The following KCNIP1 variants were observed in gnomAD, a reference collection of about 807,000 sequenced individuals.
The protein encoded by KCNIP1 is A-type potassium channel modulatory protein KCNIP1.
A neutral mutation model predicts 33.0 loss-of-function variants in KCNIP1; 18 were observed. The ratio of observed to expected loss-of-function variants is 0.55; its 90% CI spans 0.38 to 0.81. The LOEUF (loss-of-function observed/expected upper bound fraction) is 0.81, where lower values mean the gene tolerates loss of function less well. Among genes scored for constraint, KCNIP1 ranks in the 30% least tolerant of loss-of-function variants. The probability of loss-of-function intolerance (pLI) is 0.00; values close to 1 mark genes in which losing one functional copy is unlikely to be tolerated. For synonymous variants in KCNIP1, 93 were observed against 98.3 expected, an observed-to-expected ratio of 0.95 and a Z score of 0.32; for missense variants, 238 against 271.6, an observed-to-expected ratio of 0.88 and a Z score of 0.87.
intron 1 of KCNIP1, among the ~76,000 whole-genome samples, chr5:170,657,790 C>G (rs926652446): frequency 3.3e-5 from 5 of 152,228 alleles, no homozygotes; most frequent in African/African-American, 1.2e-4. Context: ...GGCTGCACAG[C>G]ACTGGATGTC....
intron 1 of KCNIP1, among the ~76,000 whole-genome samples, chr5:170,492,794 C>T (rs932666010): frequency 1.3e-5 from 2 of 151,106 alleles, no homozygotes; most frequent in Admixed American, 1.3e-4. Context: ...GAGACGGAGT[C>T]TCACTCTGTC....
chr5:170,429,257 G>T (rs765837340), intron 1 of KCNIP1, among the ~76,000 whole-genome samples: 1 of 152,044 alleles, frequency 6.6e-6, no homozygotes, highest in Non-Finnish European at 1.5e-5. Flanking sequence ...TGGGCATGCC[G>T]TTGTCTCTGC....
chr5:170,474,237 TATC>T (rs2113144338), intron 1 of KCNIP1, among the ~76,000 whole-genome samples: 1 of 152,248 alleles, frequency 6.6e-6, no homozygotes, highest in Admixed American at 6.5e-5. Context: ...AACCTTTACT[TATC>T]ATACATTTCC....
chr5:170,447,822 G>T (rs559048930), intron 1 of KCNIP1, among the ~76,000 whole-genome samples: 1 of 151,932 alleles, frequency 6.6e-6, no homozygotes, highest in South Asian at 2.1e-4. Flanking sequence ...GACCTTGACT[G>T]AGACAAGTTG....
At chr5:170,406,050 C>T (rs931557598) in intron 1 of KCNIP1, among the ~76,000 whole-genome samples, 10 of 152,258 alleles carry the variant, frequency 6.6e-5, no homozygotes, top group Non-Finnish European at 1.5e-4. Flanking sequence ...TCTGTCTCCT[C>T]TTTTACTTCC....
intron 1 of KCNIP1, among the ~76,000 whole-genome samples, chr5:170,520,819 C>T (rs1755337862): frequency 6.6e-6 from 1 of 152,138 alleles, no homozygotes; most frequent in Admixed American, 6.5e-5. Context: ...GGGAAGGCTC[C>T]ACATAATGGT....
At chr5:170,523,422 T>C (rs1406818734) in intron 1 of KCNIP1, among the ~76,000 whole-genome samples, 2 of 152,198 alleles carry the variant, frequency 1.3e-5, no homozygotes, top group Non-Finnish European at 2.9e-5. Context: ...CCTGGGCTGG[T>C]GCCAGAGTAG....
At chr5:170,386,891 C>G (rs945568417) in intron 1 of KCNIP1, among the ~76,000 whole-genome samples, 36 of 152,002 alleles carry the variant, frequency 2.4e-4, no homozygotes, top group African/African-American at 8.5e-4. Context: ...TGGACATTGA[C>G]TCCACCCCAA....
intron 1 of KCNIP1, among the ~76,000 whole-genome samples, chr5:170,420,088 A>G (rs1755443025): frequency 1.3e-5 from 2 of 152,240 alleles, no homozygotes; most frequent in African/African-American, 4.8e-5. Flanking sequence ...CCACATTGAA[A>G]AGAAAAAGGA....
rs560287311 is a variant in KCNIP1, at chr5:170,469,262, G to T, written c.88+115298G>T. ...CATGTAAAATTAGCTGAGCATGGTG[G>T]TGTACACCTGTAGTCCCAGCTATTT... On this transcript the variant is annotated intron_variant, in intron 1 of 7. Coordinates refer to the KCNIP1 transcript ENST00000377360. Among the ~76,000 whole-genome samples the T allele has an allele frequency of 2.8e-4, 43 of 152,146 alleles. No homozygotes were observed. In the South Asian group the frequency reaches 8.1e-3, roughly 29 times the overall value.
chr5:170,664,354 T>C (rs1014436650), intron 1 of KCNIP1, among the ~76,000 whole-genome samples: 1 of 152,098 alleles, frequency 6.6e-6, no homozygotes, highest in Admixed American at 6.5e-5. Flanking sequence ...CCTCTTCAAT[T>C]CTCACTGAGC....
intron 1 of KCNIP1, among the ~76,000 whole-genome samples, chr5:170,513,920 G>A (rs755904913): frequency 6.6e-6 from 1 of 152,200 alleles, no homozygotes; most frequent in Non-Finnish European, 1.5e-5. Flanking sequence ...TTTTATTTTT[G>A]TAGGAGTCCT....
chr5:170,393,440 G>A (rs536658161), intron 1 of KCNIP1, among the ~76,000 whole-genome samples: 17 of 152,172 alleles, frequency 1.1e-4, no homozygotes, highest in Non-Finnish European at 2.2e-4. Context: ...GAAGCTGTGC[G>A]TTCACAGACA....
At chr5:170,710,679 GA>G (rs1434845329) in intron 1 of KCNIP1, among the ~76,000 whole-genome samples, 1 of 152,194 alleles carries the variant, frequency 6.6e-6, no homozygotes, top group African/African-American at 2.4e-5. Context: ...AAAATGATGA[GA>G]TTTTTTTTTA....
intron 1 of KCNIP1, among the ~76,000 whole-genome samples, chr5:170,633,271 C>T (rs989193571): frequency 2.0e-5 from 3 of 151,612 alleles, no homozygotes; most frequent in East Asian, 2.0e-4. Context: ...AGGAGGGGAC[C>T]GCGAGAGCGA....
chr5:170,628,867 CT>C (rs1390807786), intron 1 of KCNIP1, among the ~76,000 whole-genome samples: 7 of 152,342 alleles, frequency 4.6e-5, no homozygotes, highest in African/African-American at 9.6e-5. Context: ...CCCCAGCCCC[CT>C]GAGGGGAGCT....
intron 1 of KCNIP1, among the ~76,000 whole-genome samples, chr5:170,583,717 A>G (rs1757882535): frequency 6.6e-6 from 1 of 152,206 alleles, no homozygotes; most frequent in Non-Finnish European, 1.5e-5. Flanking sequence ...CCCCGAGGCA[A>G]TGAATGCTGC....
chr5:170,543,656 C>A lies in KCNIP1; in HGVS notation c.61+39023C>A, dbSNP rs564943861. Among the ~76,000 whole-genome samples, 15 of 152,322 alleles carry A rather than the reference C, an allele frequency of 9.8e-5. No individual in the cohort carries two copies. The East Asian group carries it at 2.9e-3, about 29-fold the overall frequency. ...CAAGCTTTATCCATTTTCCCATAGG[C>A]CTCTTCCAATCGTTAGAAGATAACA... On this transcript the variant is annotated intron_variant, in intron 1 of 7. Coordinates refer to ENST00000328939, the MANE Select transcript of KCNIP1 (RefSeq NM_014592.4).
At chr5:170,458,551 C>T (rs575341734) in intron 1 of KCNIP1, among the ~76,000 whole-genome samples, 14 of 152,304 alleles carry the variant, frequency 9.2e-5, no homozygotes, top group South Asian at 6.2e-4. Flanking sequence ...CTTCAGCCTC[C>T]TTAAACAAAA....
Sources: allele counts gnomAD v4.1 joint callset (sites outside exome capture counted in the v4.1 genomes callset), GRCh38; gene constraint gnomAD v4.1.1; transcripts MANE v1.5; gene names NCBI Gene and HGNC (gene_info 2026-07-23, HGNC 2026-07-21).